HDAC4: variants seen among roughly 807,000 people sequenced by gnomAD.
The protein encoded by HDAC4 is histone deacetylase 4, also known as histone deacetylase A.
A neutral mutation model predicts 135.1 loss-of-function variants in HDAC4; 16 were observed. The observed-to-expected ratio is 0.12, with a 90% confidence interval of 0.08 to 0.18. The LOEUF (loss-of-function observed/expected upper bound fraction) is 0.18, where lower values mean the gene tolerates loss of function less well. Ranked by LOEUF, HDAC4 falls within the 10% of genes least tolerant of loss-of-function variation. HDAC4 has a pLI of 1.00. For synonymous variants in HDAC4, 685 were observed against 653.4 expected (o/e 1.05, Z -0.74); for missense variants, 1,143 against 1,511.8 (o/e 0.76, Z 4.05).
chr2:239,059,693 A>G (rs2032386316), intron 24 of HDAC4, among the ~76,000 whole-genome samples: 1 of 152,226 alleles, frequency 6.6e-6, no homozygotes. Context: ...GCGGCCTAGG[A>G]GAGTTCTCCC....
At chr2:239,297,076 A>G (rs1236408367) in intron 2 of HDAC4, among the ~76,000 whole-genome samples, 4 of 151,464 alleles carry the variant, frequency 2.6e-5, no homozygotes, top group Non-Finnish European at 4.4e-5. Context: ...TGCTTCCTAC[A>G]AGGGCTGGCC....
At chr2:239,134,905 T>C (rs1290886077) in intron 9 of HDAC4, among the ~76,000 whole-genome samples, 1 of 152,226 alleles carries the variant, frequency 6.6e-6, no homozygotes, top group Non-Finnish European at 1.5e-5. Flanking sequence ...CGTTGATTTC[T>C]ATTCAGTTTG....
At chr2:239,178,370 A>C (rs2153005953) in intron 4 of HDAC4, among the ~76,000 whole-genome samples, 1 of 152,252 alleles carries the variant, frequency 6.6e-6, no homozygotes, top group East Asian at 1.9e-4. Context: ...TCCTGGGCTC[A>C]AGTGATCCTC....
At chr2:239,204,541 T>TA (rs2153081590) in intron 3 of HDAC4, among the ~76,000 whole-genome samples, 1 of 152,324 alleles carries the variant, frequency 6.6e-6, no homozygotes, top group Non-Finnish European at 1.5e-5. Flanking sequence ...AACCGGCCCT[T>TA]ACAGTCTGCC....
chr2:239,223,218 C>T (rs911363371), intron 3 of HDAC4, among the ~76,000 whole-genome samples: 2 of 152,104 alleles, frequency 1.3e-5, no homozygotes, highest in African/African-American at 4.8e-5. Flanking sequence ...AAGTAGGAAC[C>T]ACTATTACTT....
chr2:239,163,112 T>C (rs1209979615), intron 6 of HDAC4, among the ~76,000 whole-genome samples: 1 of 152,054 alleles, frequency 6.6e-6, no homozygotes, highest in Non-Finnish European at 1.5e-5. Flanking sequence ...TTCTTTTGCA[T>C]GGCAGGTCGG....
intron 2 of HDAC4, among the ~76,000 whole-genome samples, chr2:239,280,429 C>T (rs1167148283): frequency 6.6e-6 from 1 of 152,170 alleles, no homozygotes; most frequent in East Asian, 1.9e-4. Flanking sequence ...AACATTGAGT[C>T]AGCATGACTC....
intron 2 of HDAC4, among the ~76,000 whole-genome samples, chr2:239,326,215 C>A (rs1230636337): frequency 2.0e-5 from 3 of 152,064 alleles, no homozygotes. Flanking sequence ...TCTGACCATG[C>A]CACAATACGA....
At chr2:239,113,890 G>C (rs548898580) in intron 13 of HDAC4, among the ~76,000 whole-genome samples, 1 of 152,038 alleles carries the variant, frequency 6.6e-6, no homozygotes, top group African/African-American at 2.4e-5. Context: ...AGTGCCCGGG[G>C]TGCTAATTAA....
At position 239,070,500 on chromosome 2, in the gene HDAC4, G is replaced by A. The variant is rs1411678595; in HGVS notation, c.2751-1893C>T. Among the ~76,000 whole-genome samples, 4 of 152,246 alleles carry A rather than the reference G, an allele frequency of 2.6e-5. No individual in the cohort carries two copies. The East Asian group carries it at 5.8e-4, about 22-fold the overall frequency. ...CTATGAATCCATATGTGTGCTCTCCGTGAGTAGGGAAGTTCAGCAGTTTCA... is the reference window on the plus strand; with the variant it reads ...CTATGAATCCATATGTGTGCTCTCCATGAGTAGGGAAGTTCAGCAGTTTCA... On this transcript the variant is annotated intron_variant, in intron 22 of 26. Transcript: ENST00000543185.
At chr2:239,257,245 A>AG (rs1206216338) in intron 2 of HDAC4, among the ~76,000 whole-genome samples, 2 of 152,104 alleles carry the variant, frequency 1.3e-5, no homozygotes, top group Non-Finnish European at 2.9e-5. Flanking sequence ...AAGTGCAAAA[A>AG]AAAAAAGAAA....
intron 3 of HDAC4, among the ~76,000 whole-genome samples, chr2:239,193,976 T>A (rs1338525104): frequency 6.6e-6 from 1 of 152,204 alleles, no homozygotes; most frequent in African/African-American, 2.4e-5. Context: ...GAAATTCCCA[T>A]CACAACGCAG....
chr2:239,292,031 T>G (rs2051541419), intron 2 of HDAC4, among the ~76,000 whole-genome samples: 1 of 151,236 alleles, frequency 6.6e-6, no homozygotes, highest in Non-Finnish European at 1.5e-5. Context: ...ACGGCCCAGC[T>G]CGGCCCAGCT....
chr2:239,372,675 C>A (rs1182815069), intron 1 of HDAC4, among the ~76,000 whole-genome samples: 1 of 152,256 alleles, frequency 6.6e-6, no homozygotes, highest in East Asian at 1.9e-4. Flanking sequence ...AGCGACAGAA[C>A]AGACACACTG....
At chr2:239,343,534 G>C (rs1044814238) in intron 2 of HDAC4, among the ~76,000 whole-genome samples, 2 of 152,228 alleles carry the variant, frequency 1.3e-5, no homozygotes, top group Admixed American at 6.5e-5. Flanking sequence ...CCTGCGGGAG[G>C]CCCACCAACC....
intron 24 of HDAC4, among the ~76,000 whole-genome samples, chr2:239,055,583 G>A (rs2031695609): frequency 6.6e-6 from 1 of 152,062 alleles, no homozygotes; most frequent in African/African-American, 2.4e-5. Context: ...CAGGTATGGC[G>A]GTGGGCACCT....
At chr2:239,215,239 G>A (rs9941711) in intron 3 of HDAC4, among the ~76,000 whole-genome samples, 3,340 of 152,290 alleles carry the variant, frequency 0.022, 100 homozygotes, top group African/African-American at 0.06. Context: ...ACTGGTGGCC[G>A]GGGCGGGGGA....
chr2:239,066,202 G>A (rs1275389667), intron 24 of HDAC4, among the ~76,000 whole-genome samples: 4 of 152,274 alleles, frequency 2.6e-5, no homozygotes, highest in Admixed American at 6.5e-5. Flanking sequence ...AGACCACAGC[G>A]TCTCTGACTC....
intron 24 of HDAC4, among the ~76,000 whole-genome samples, chr2:239,059,244 A>C (rs1215270338): frequency 6.6e-6 from 1 of 152,242 alleles, no homozygotes; most frequent in African/African-American, 2.4e-5. Context: ...GGAAAGACTA[A>C]AAATAAATAT....
Sources: allele counts gnomAD v4.1 joint callset (sites outside exome capture counted in the v4.1 genomes callset), GRCh38; gene constraint gnomAD v4.1.1; transcripts MANE v1.5; gene names NCBI Gene and HGNC (gene_info 2026-07-23, HGNC 2026-07-21).